KIF5B: variants seen among roughly 807,000 people sequenced by gnomAD.
KIF5B encodes kinesin family member 5B.
In KIF5B, 49 loss-of-function variants were observed where a neutral mutation model predicts 132.8. The ratio of observed to expected loss-of-function variants is 0.37; its 90% CI spans 0.29 to 0.47. The LOEUF is 0.47. KIF5B is among the 20% of genes least tolerant of loss of function. The pLI, the probability that KIF5B is intolerant of heterozygous loss-of-function variation, is 1.00. For synonymous variants in KIF5B, 355 were observed against 369.4 expected (o/e 0.96, Z 0.45); for missense variants, 780 against 1,144.0 (o/e 0.68, Z 4.59).
At chr10:32,049,135 A>G (rs1374378408) in intron 1 of KIF5B, among the ~76,000 whole-genome samples, 1 of 152,204 alleles carries the variant, frequency 6.6e-6, no homozygotes, top group Non-Finnish European at 1.5e-5. Context: ...GTCCTGCAAC[A>G]GCTTTTCAAC....
chr10:32,017,070 C>T lies in KIF5B; in HGVS notation c.2761+73G>A, dbSNP rs1319588058. The T allele has an allele frequency of 1.5e-5, 18 of 1,234,148 alleles. No homozygotes were observed. In the Admixed American group the frequency reaches 1.6e-4, roughly 11 times the overall value. 76.4% of individuals were successfully genotyped at this position (1,234,148 alleles called of 1,614,324 possible). A position where few individuals can be genotyped will look rare whatever the true frequency, so the allele number is the denominator to read the frequency against. On this transcript the variant is annotated intron_variant, in intron 24 of 25. Transcript: ENST00000302418. ...ATGCACCATGACAACACATAAAATT[C>T]GGATTACGTTTTCCACTAAATGAAA...
chr10:32,019,770 T>A lies in KIF5B; in HGVS notation c.2306+88A>T, dbSNP rs954162874. ...CCTTTAGCCCATACAAAGTAAAATA[T>A]GTATCCACTGGCTATATCCAAAGGT... On this transcript the variant is annotated intron_variant, in intron 20 of 25. Coordinates refer to ENST00000302418, the MANE Select transcript of KIF5B (RefSeq NM_004521.3). 4.9e-6 allele frequency: 4 copies of A among 817,130 alleles called. No homozygotes were observed. The South Asian group carries it at 7.1e-5, about 15-fold the overall frequency. The allele number at this position is 817,130 out of a possible 1,614,324, so 50.6% of individuals were successfully genotyped here.
intron 25 of KIF5B, among the ~76,000 whole-genome samples, chr10:32,014,049 T>C (rs553690831): frequency 6.6e-6 from 1 of 152,344 alleles, no homozygotes; most frequent in South Asian, 2.1e-4. Flanking sequence ...CAGAAACAGC[T>C]GATCATTTCA....
At chr10:32,021,782 G>A (rs913727185) in intron 17 of KIF5B, among the ~76,000 whole-genome samples, 2 of 152,038 alleles carry the variant, frequency 1.3e-5, no homozygotes, top group Non-Finnish European at 2.9e-5. Context: ...ACCATCCTGC[G>A]TAACACGGTG....
chr10:32,053,733 A>AG (rs1841721337), intron 1 of KIF5B, among the ~76,000 whole-genome samples: 1 of 151,950 alleles, frequency 6.6e-6, no homozygotes, highest in Non-Finnish European at 1.5e-5. Context: ...ATATCTCAAA[A>AG]AAAAAAAAAA....
chr10:32,013,370 T>G (rs770697379), intron 25 of KIF5B, among the ~76,000 whole-genome samples: 1 of 152,222 alleles, frequency 6.6e-6, no homozygotes, highest in South Asian at 2.1e-4. Context: ...ATGTTTATGC[T>G]GAGTCTAATC....
rs777961523 is a variant in KIF5B at position 32,022,143 on chromosome 10, G to C, written c.2029C>G (p.Gln677Glu). The change falls in exon 17 of 26, where the codon CAA becomes GAA. Residue 677 changes from glutamine to glutamate, a missense_variant. Physicochemically the swap from Gln to Glu is conservative, Grantham distance 29 (BLOSUM62 2). Transcript: ENST00000302418. Reference protein sequence around the residue: ...LSEELVQLRAQEKVHEMEKEH... With the variant: ...LSEELVQLRAEEKVHEMEKEH... ...CATAAACAGTTGGAAGCTATACCTTGTGCTCGAAGCTGGACTAGTTCTTCA... is the reference window on the plus strand; with the variant it reads ...CATAAACAGTTGGAAGCTATACCTTCTGCTCGAAGCTGGACTAGTTCTTCA... 3.3e-6 allele frequency: 5 copies of C among 1,525,332 alleles called. No homozygotes were observed. The South Asian group carries it at 4.6e-5, about 14-fold the overall frequency. 94.5% of individuals were successfully genotyped at this position (1,525,332 alleles called of 1,614,324 possible). A position where few individuals can be genotyped will look rare whatever the true frequency, so the allele number is the denominator to read the frequency against.
rs577218908 is a variant in KIF5B at position 32,043,073 on chromosome 10, G to C, written c.215-2616C>G. ...CGCAACCTCGGCTCACTGCAACCTC[G>C]GCTCACTGCAACCTCCGCCTCCCAG... On this transcript the variant is annotated intron_variant, in intron 2 of 25. Transcript: ENST00000302418. Among the ~76,000 whole-genome samples the C allele has an allele frequency of 1.3e-4, 20 of 150,528 alleles. No homozygotes were observed. The East Asian group carries it at 3.7e-3, about 28-fold the overall frequency.
At chr10:32,030,388 C>A (rs1337267619) in intron 14 of KIF5B, among the ~76,000 whole-genome samples, 1 of 151,934 alleles carries the variant, frequency 6.6e-6, no homozygotes, top group Non-Finnish European at 1.5e-5. Context: ...TGGTGGCGGG[C>A]GCCTGTAATC....
At chr10:32,029,409 T>C (rs929510356) in intron 14 of KIF5B, among the ~76,000 whole-genome samples, 38 of 152,244 alleles carry the variant, frequency 2.5e-4, no homozygotes, top group Non-Finnish European at 7.3e-5. Flanking sequence ...TATACTGTAT[T>C]TGTAATGCCA....
intron 13 of KIF5B, among the ~76,000 whole-genome samples, 177 bp from the exon 14 acceptor site, chr10:32,031,456 G>C (rs1841401491): frequency 6.6e-6 from 1 of 152,142 alleles, no homozygotes; most frequent in South Asian, 2.1e-4. Context: ...CACTGTGCTG[G>C]ATGCTGCAAG....
At position 32,019,915 on chromosome 10, in the gene KIF5B, T is replaced by C; in HGVS notation, c.2249A>G (p.Glu750Gly). ...ATCTGTGGCTTTCAACTTCTCATGT[T>C]CTACTCTTAGACGTTCCTGCTCTAA... ...MMLEQERLRV[E>G]HEKLKATDQE... The change falls in exon 20 of 26, where the codon GAA becomes GGA. Residue 750 changes from glutamate (E) to glycine (G), a missense_variant. Physicochemically the swap from Glu to Gly is moderately conservative, Grantham distance 98. Transcript: ENST00000302418. 6.2e-7 allele frequency: 1 copy of C among 1,612,848 alleles called. No homozygotes were observed. The highest frequency in any genetic ancestry group is 1.1e-5 in the South Asian group (1 of 90,734).
At chr10:32,020,589 T>C (rs1217165773) in intron 19 of KIF5B, among the ~76,000 whole-genome samples, 1 of 152,108 alleles carries the variant, frequency 6.6e-6, no homozygotes, top group African/African-American at 2.4e-5. Flanking sequence ...CTCAGCTAAT[T>C]TAAAAAATTA....
In KIF5B at chr10:32,021,111, G is replaced by A. The variant is rs750509330; in HGVS notation, c.2115C>T (p.Ile705=). 1.2e-6 allele frequency: 2 copies of A among 1,613,636 alleles called. No individual in the cohort carries two copies. Among genetic ancestry groups the A allele is most frequent in the Non-Finnish European group, 1.7e-6 (2 of 1,179,824 alleles). Reference sequence around the variant, plus strand: ...TTTGATGAGTTTCTCTATGGCTCTGGATCTGCTGTTCAACAGCTTGCTAAA... The same window carrying A: ...TTTGATGAGTTTCTCTATGGCTCTGAATCTGCTGTTCAACAGCTTGCTAAA... ...NEVKQAVEQQ[I]QSHRETHQKQ... is the part of the protein sequence containing the mutation. The change falls in exon 19 of 26, where the codon ATC becomes ATT. Residue 705 remains isoleucine (I), a synonymous_variant. Transcript: ENST00000302418.
intron 2 of KIF5B, among the ~76,000 whole-genome samples, chr10:32,044,349 T>C (rs1263196039): frequency 1.3e-5 from 2 of 152,214 alleles, no homozygotes; most frequent in East Asian, 3.8e-4. Flanking sequence ...CAAACACGAC[T>C]GATTGAATTA....
At chr10:32,021,308 T>C (rs768417251) in intron 17 of KIF5B, 21 bp from the exon 18 acceptor site, 127 of 1,564,764 alleles carry the variant, frequency 8.1e-5, no homozygotes, top group South Asian at 2.3e-4. Flanking sequence ...AGAGAGAAAA[T>C]AGAAGAGTGA....
intron 1 of KIF5B, among the ~76,000 whole-genome samples, chr10:32,053,937 G>A (rs1309582857): frequency 6.6e-6 from 1 of 152,090 alleles, no homozygotes; most frequent in Admixed American, 6.6e-5. Flanking sequence ...TAGAATAAAT[G>A]TATGTTTCCT....
At position 32,034,794 on chromosome 10, in the gene KIF5B, G is replaced by A; in HGVS notation, c.1007C>T (p.Thr336Ile). 6.2e-7 allele frequency: 1 copy of A among 1,605,798 alleles called. No individual in the cohort carries two copies. Among genetic ancestry groups the A allele is most frequent in the Non-Finnish European group, 8.5e-7 (1 of 1,176,638 alleles). ...ATACTTCTTTTTCCACTGTTCTGCA[G>A]TTAACTCCACATTGACACAAACTGT... ...KNTVCVNVELTAEQWKKKYEK... is the reference protein window; with the variant it reads ...KNTVCVNVELIAEQWKKKYEK... Residue 336 changes from threonine (T) to isoleucine (I), a missense_variant, in exon 11 of 26, where the codon ACT becomes ATT. Transcript: ENST00000302418.
Position 32,019,946 on chromosome 10 carries a change from T to C in KIF5B, c.2218A>G (p.Met740Val), listed in dbSNP as rs1393969374. The change falls in exon 20 of 26, where the codon ATG becomes GTG. Residue 740 changes from methionine (M) to valine (V), a missense_variant. This residue lies in a region of KIF5B where 471 missense variants were observed against 569.9 expected (regional missense o/e 0.83). Coordinates refer to ENST00000302418, the MANE Select transcript of KIF5B (RefSeq NM_004521.3). ...ITDLQDQNQK[M>V]MLEQERLRVE... ...CTTAGACGTTCCTGCTCTAACATCA[T>C]TTTCTGGTTTTGGCTGACGAAAGAA... is the stretch of plus-strand genomic sequence containing the variant. 3 of 1,607,720 alleles carry C rather than the reference T, an allele frequency of 1.9e-6. No homozygotes were observed. The highest frequency in any genetic ancestry group is 2.5e-6 in the Non-Finnish European group (3 of 1,177,976).
Sources: gnomAD v4.1 joint callset for allele counts (sites outside exome capture counted in the v4.1 genomes callset) on GRCh38, gnomAD v4.1.1 for gene constraint, gnomAD v4.1.1 regional missense constraint, MANE v1.5 for transcripts, NCBI Gene and HGNC (gene_info 2026-07-23, HGNC 2026-07-21) for gene names.